The following SLC10A6 variants were observed in gnomAD, a reference collection of about 807,000 sequenced individuals.
SLC10A6 encodes the protein sodium-dependent organic anion transporter.
A neutral mutation model predicts 30.0 loss-of-function variants in SLC10A6; 27 were observed. The observed-to-expected ratio is 0.90, with a 90% CI of 0.66 to 1.24. The LOEUF is 1.24. SLC10A6 is among the 50% of genes most tolerant of loss of function. SLC10A6 has a pLI of 0.00. For missense variants in SLC10A6, 439 were observed against 457.0 expected (o/e 0.96, Z 0.36); for synonymous variants, 166 against 173.8 (o/e 0.95, Z 0.36).
intron 1 of SLC10A6, among the ~76,000 whole-genome samples, chr4:86,839,477 T>C (rs966831062): frequency 1.3e-5 from 2 of 151,982 alleles, no homozygotes. Flanking sequence ...AACCTTATAA[T>C]ATACCTTACT....
At chr4:86,847,824 A>C (rs1746417940) in intron 1 of SLC10A6, among the ~76,000 whole-genome samples, 1 of 152,204 alleles carries the variant, frequency 6.6e-6, no homozygotes, top group Non-Finnish European at 1.5e-5. Context: ...CAAATACTTA[A>C]ATTTATAAGC....
intron 1 of SLC10A6, among the ~76,000 whole-genome samples, chr4:86,838,914 A>G (rs1487434538): frequency 2.6e-5 from 2 of 76,266 alleles, no homozygotes; most frequent in African/African-American, 1.2e-4. Context: ...CAGTGTCTCA[A>G]AAAAAAAAAA....
chr4:86,837,335 A>AGGGAGGG (rs1560460500), intron 1 of SLC10A6, among the ~76,000 whole-genome samples: 1 of 112,104 alleles, frequency 8.9e-6, no homozygotes, highest in Non-Finnish European at 1.6e-5. Context: ...GGAAGGAAGG[A>AGGGAGGG]AGGAAGGAAG....
chr4:86,836,993 GTGAT>G (rs1746196744), intron 1 of SLC10A6, among the ~76,000 whole-genome samples: 1 of 151,860 alleles, frequency 6.6e-6, no homozygotes, highest in Non-Finnish European at 1.5e-5. Context: ...CTAACCTCAG[GTGAT>G]CCACCCGCCT....
intron 1 of SLC10A6, 87 bp downstream of exon 1, chr4:86,848,652 T>C: frequency 1.4e-6 from 2 of 1,430,028 alleles, no homozygotes; most frequent in South Asian, 1.4e-5. Context: ...TACCAAAAGA[T>C]TAGAAGAGTG....
At chr4:86,824,133 G>C (rs1362506360) in intron 5 of SLC10A6, among the ~76,000 whole-genome samples, 1 of 152,156 alleles carries the variant, frequency 6.6e-6, no homozygotes, top group Non-Finnish European at 1.5e-5. Context: ...CATTCATCAG[G>C]TTGCTGACAG....
rs749369409 is a variant in SLC10A6, at chr4:86,831,839, C to T, written c.538G>A (p.Val180Ile). The T allele has an allele frequency of 6.2e-7, 1 of 1,613,562 alleles. No homozygotes were observed. The highest frequency in any genetic ancestry group is 8.5e-7 in the Non-Finnish European group (1 of 1,179,686). Reference protein sequence around the residue: ...VCLTIPVAFGVYVNYRWPKQS... With the variant: ...VCLTIPVAFGIYVNYRWPKQS... ...TTTGGCCATCTGTAATTCACATAGA[C>T]ACCAAAGGCCACAGGAATGGTCAGG... Residue 180 changes from valine (V) to isoleucine (I), a missense_variant, in exon 3 of 6, where the codon GTC (valine) becomes ATC (isoleucine). By Grantham distance (29) the Val-to-Ile change is conservative (BLOSUM62 3). Transcript: ENST00000273905.
intron 1 of SLC10A6, among the ~76,000 whole-genome samples, chr4:86,842,842 C>CTTTCTTTCTTTT (rs1746321852): frequency 2.5e-5 from 1 of 40,304 alleles, no homozygotes; most frequent in Non-Finnish European, 4.4e-5. Flanking sequence ...TTCTTTCTTT[C>CTTTCTTTCTTTT]TTTCTTTCTT....
intron 1 of SLC10A6, among the ~76,000 whole-genome samples, chr4:86,845,841 G>C (rs1182218547): frequency 6.6e-6 from 1 of 152,180 alleles, no homozygotes; most frequent in South Asian, 2.1e-4. Context: ...GCAACTGCAA[G>C]AGGATGGGTG....
chr4:86,836,760 T>C (rs1746192096), intron 1 of SLC10A6, among the ~76,000 whole-genome samples: 2 of 152,044 alleles, frequency 1.3e-5, no homozygotes, highest in Non-Finnish European at 2.9e-5. Context: ...TGGGGTTTTG[T>C]TTTGTTTTGT....
intron 1 of SLC10A6, among the ~76,000 whole-genome samples, chr4:86,842,854 C>CTTTCTTTCTT (rs1560461896): frequency 3.1e-5 from 1 of 32,542 alleles, no homozygotes; most frequent in East Asian, 6.2e-4. Context: ...TTCTTTCTTT[C>CTTTCTTTCTT]TTTCTTTCTT....
chr4:86,842,502 C>T (rs1746306998), intron 1 of SLC10A6, among the ~76,000 whole-genome samples: 1 of 152,118 alleles, frequency 6.6e-6, no homozygotes, highest in African/African-American at 2.4e-5. Context: ...CCAGCCTGGG[C>T]AACATAGTGA....
At chr4:86,838,010 C>T (rs1308274133) in intron 1 of SLC10A6, among the ~76,000 whole-genome samples, 1 of 152,202 alleles carries the variant, frequency 6.6e-6, no homozygotes. Flanking sequence ...ATCACCATTG[C>T]TTCCATCCAA....
intron 1 of SLC10A6, among the ~76,000 whole-genome samples, chr4:86,837,881 C>A (rs545474074): frequency 5.9e-5 from 9 of 152,328 alleles, no homozygotes; most frequent in African/African-American, 1.9e-4. Context: ...GACTGCCCTC[C>A]TGCTCTACAA....
chr4:86,828,178 A>T lies in SLC10A6; in HGVS notation c.586-10T>A. On this transcript the variant is annotated splice_polypyrimidine_tract_variant and intron_variant, in intron 3 of 5. Coordinates refer to ENST00000273905, the MANE Select transcript of SLC10A6 (RefSeq NM_197965.3). ...CAACAACGGCCCCAATCTGAAGCAA[A>T]CAATAAAATAAGTGAATATAAACTC... 6.2e-7 allele frequency: 1 copy of T among 1,606,920 alleles called. No individual in the cohort carries two copies. The highest frequency in any genetic ancestry group is 8.5e-7 in the Non-Finnish European group (1 of 1,178,034).
intron 1 of SLC10A6, 96 bp from the exon 2 acceptor site, chr4:86,833,520 G>T: frequency 1.2e-6 from 1 of 844,036 alleles, no homozygotes; most frequent in South Asian, 1.6e-5. Context: ...ATTTCCTAGA[G>T]ATTACATGGA....
chr4:86,840,949 T>A (rs923859321), intron 1 of SLC10A6, among the ~76,000 whole-genome samples: 1 of 152,212 alleles, frequency 6.6e-6, no homozygotes, highest in Non-Finnish European at 1.5e-5. Context: ...TCCTGACTAG[T>A]AGGCAATTTA....
At chr4:86,835,745 A>AAGAG (rs143930076) in intron 1 of SLC10A6, among the ~76,000 whole-genome samples, 33 of 149,756 alleles carry the variant, frequency 2.2e-4, no homozygotes, top group South Asian at 4.2e-4. Context: ...GAAAGAAAGA[A>AAGAG]AGAGAGAGAG....
intron 1 of SLC10A6, among the ~76,000 whole-genome samples, chr4:86,838,123 A>C (rs1222859923): frequency 6.6e-6 from 1 of 152,248 alleles, no homozygotes; most frequent in Non-Finnish European, 1.5e-5. Context: ...CTTCAATGAT[A>C]CTAAAAAGAT....
Sources: gnomAD v4.1 joint callset for allele counts (sites outside exome capture counted in the v4.1 genomes callset) on GRCh38, gnomAD v4.1.1 for gene constraint, MANE v1.5 for transcripts, NCBI Gene and HGNC (gene_info 2026-07-23, HGNC 2026-07-21) for gene names.